MROH7: variants seen among roughly 807,000 people sequenced by gnomAD.
MROH7 encodes maestro heat-like repeat-containing protein family member 7.
Under a neutral mutation model 129.2 loss-of-function variants are expected in MROH7, and 113 were observed. The ratio of observed to expected loss-of-function variants is 0.87; its 90% CI spans 0.75 to 1.02. MROH7 has a LOEUF of 1.02. Ranked by LOEUF, MROH7 falls within the 50% of genes least tolerant of loss-of-function variation. The pLI is 0.00. For missense variants in MROH7, 1,601 were observed against 1,671.3 expected, an observed-to-expected ratio of 0.96 and a Z score of 0.73; for synonymous variants, 655 against 667.9, an observed-to-expected ratio of 0.98 and a Z score of 0.30.
intron 6 of MROH7, 35 bp downstream of exon 6, chr1:54,670,611 TCTC>T: frequency 1.3e-6 from 2 of 1,580,620 alleles, no homozygotes; most frequent in Non-Finnish European, 8.6e-7. Context: ...CCACAGCCCC[TCTC>T]CTCTCTTCCT....
At chr1:54,691,243 T>G (rs978439617) in intron 15 of MROH7, among the ~76,000 whole-genome samples, 67 of 152,212 alleles carry the variant, frequency 4.4e-4, no homozygotes, top group African/African-American at 1.4e-3. Context: ...AGAGGTTGAA[T>G]GATTCCAAAA....
intron 3 of MROH7, among the ~76,000 whole-genome samples, chr1:54,654,964 T>A (rs1015915453): frequency 6.6e-6 from 1 of 152,088 alleles, no homozygotes. Context: ...TAAGATTTTT[T>A]AAAAAGGACC....
At chr1:54,704,793 CTTT>C (rs750428757) in intron 21 of MROH7, among the ~76,000 whole-genome samples, 14 of 67,828 alleles carry the variant, frequency 2.1e-4, no homozygotes, top group Non-Finnish European at 2.3e-4. Context: ...CAATGTAGCT[CTTT>C]TTTTTTTTTT....
chr1:54,709,209 T>G, intron 23 of MROH7, 133 bp downstream of exon 23: 1 of 808,698 alleles, frequency 1.2e-6, no homozygotes, highest in Non-Finnish European at 2.0e-6. Flanking sequence ...TGTACTAGTT[T>G]TTTGTTTGTT....
chr1:54,679,818 C>T, intron 12 of MROH7, 73 bp from the exon 13 acceptor site: 7 of 1,463,294 alleles, frequency 4.8e-6, no homozygotes, highest in Non-Finnish European at 6.5e-6. Context: ...CTTCCCTCTC[C>T]TCCCACCTTC....
intron 10 of MROH7, among the ~76,000 whole-genome samples, chr1:54,676,344 C>T (rs1310034608): frequency 2.0e-5 from 3 of 150,886 alleles, no homozygotes; most frequent in African/African-American, 7.3e-5. Context: ...CTCAGGTGAT[C>T]CTCCCACCTC....
chr1:54,698,567 C>A (rs1645358935), intron 17 of MROH7: 1 of 152,998 alleles, frequency 6.5e-6, no homozygotes, highest in Non-Finnish European at 1.5e-5. Flanking sequence ...GCTCAACAGT[C>A]ACAGGAGATG....
intron 1 of MROH7, among the ~76,000 whole-genome samples, chr1:54,647,007 A>G (rs1012593019): frequency 6.6e-6 from 1 of 152,244 alleles, no homozygotes; most frequent in South Asian, 2.1e-4. Flanking sequence ...AATCCACTGT[A>G]CGGACATACC....
rs1397340234 is a variant in MROH7 at position 54,699,962 on chromosome 1, G to A, written c.2965-359G>A. Reference sequence around the variant, plus strand: ...AAGGGCATTTTGCCAGCACAGAAGGGGTGGAACAGCCTGGGTAGTTCAGAG... The same window carrying A: ...AAGGGCATTTTGCCAGCACAGAAGGAGTGGAACAGCCTGGGTAGTTCAGAG... On this transcript the variant is annotated intron_variant, in intron 17 of 23. Transcript: ENST00000421030. The A allele has an allele frequency of 6.6e-6, 4 of 608,404 alleles. No homozygotes were observed. In the East Asian group the frequency reaches 1.1e-4, roughly 17 times the overall value. The allele number at this position is 608,404 out of a possible 1,614,324, so 37.7% of individuals were successfully genotyped here.
At chr1:54,649,174 C>T (rs183142948) in intron 1 of MROH7, among the ~76,000 whole-genome samples, 1 of 152,258 alleles carries the variant, frequency 6.6e-6, no homozygotes, top group Admixed American at 6.5e-5. Context: ...ATAGTTCCAC[C>T]CCTTGAAGGC....
intron 22 of MROH7, among the ~76,000 whole-genome samples, chr1:54,707,077 A>C (rs1645546036): frequency 6.6e-6 from 1 of 152,210 alleles, no homozygotes; most frequent in Non-Finnish European, 1.5e-5. Flanking sequence ...CAATGTTAGC[A>C]GTCTTCATTC....
Position 54,708,677 on chromosome 1 carries a change from A to G in MROH7, c.3668-337A>G, listed in dbSNP as rs534428282. Among the ~76,000 whole-genome samples, 9 of 152,244 alleles carry G rather than the reference A, an allele frequency of 5.9e-5. 1 individual carries two copies. The Middle Eastern group carries it at 0.01, about 173-fold the overall frequency. ...TCTTACATTACTGCTCAAACTCCCC[A>G]TAGAAGTGGACAGCAGAGACAGCAC... On this transcript the variant is annotated intron_variant, in intron 22 of 23. Coordinates refer to ENST00000421030, the MANE Select transcript of MROH7 (RefSeq NM_001039464.4).
At position 54,702,779 on chromosome 1, in the gene MROH7, C is replaced by T. The variant is rs1166095247; in HGVS notation, c.3564+34C>T. On this transcript the variant is annotated intron_variant, in intron 21 of 23. Coordinates refer to ENST00000421030, the MANE Select transcript of MROH7 (RefSeq NM_001039464.4). Reference sequence around the variant, plus strand: ...TCCCAGAGAGTAGAGTGGTTCCTTACAAGCATGTTGGAGGTGGCGAATTCT... The same window carrying T: ...TCCCAGAGAGTAGAGTGGTTCCTTATAAGCATGTTGGAGGTGGCGAATTCT... 5 of 1,583,212 alleles carry T rather than the reference C, an allele frequency of 3.2e-6. No individual in the cohort carries two copies. The South Asian group carries it at 3.5e-5, about 11-fold the overall frequency.
chr1:54,692,188 C>T (rs1259408694), intron 15 of MROH7, among the ~76,000 whole-genome samples: 1 of 152,216 alleles, frequency 6.6e-6, no homozygotes, highest in African/African-American at 2.4e-5. Context: ...AGGCTGGTCC[C>T]AGAGGTAAAA....
rs1557711746 is a variant in MROH7, at chr1:54,680,035, C to G, written c.2371C>G (p.Pro791Ala). 3 of 1,613,812 alleles carry G rather than the reference C, an allele frequency of 1.9e-6. No individual in the cohort carries two copies. The highest frequency in any genetic ancestry group is 1.7e-5 in the Admixed American group (1 of 59,994). ...GGTGGCCCTGCTCATGTGCCCCCTCCCACTGAACAGGTACCAAGTGAAGGG... is the reference window on the plus strand; with the variant it reads ...GGTGGCCCTGCTCATGTGCCCCCTCGCACTGAACAGGTACCAAGTGAAGGG... ...VVVALLMCPL[P>A]LNSNGAEMWR... Residue 791 changes from proline (P) to alanine (A), a missense_variant, in exon 13 of 24, where the codon CCA (proline) becomes GCA (alanine). By Grantham distance (27) the Pro-to-Ala change is conservative. Transcript: ENST00000421030.
intron 1 of MROH7, 87 bp downstream of exon 1, chr1:54,642,055 G>A (rs532345735): frequency 6.6e-6 from 1 of 152,238 alleles, no homozygotes. Context: ...CTGGGAGTTG[G>A]GGGGAGGTGA....
intron 15 of MROH7, among the ~76,000 whole-genome samples, chr1:54,691,912 C>T (rs971170120): frequency 3.7e-5 from 5 of 136,956 alleles, no homozygotes; most frequent in Non-Finnish European, 4.6e-5. Flanking sequence ...ACACACAGTG[C>T]GGTGCCAGGC....
intron 1 of MROH7, among the ~76,000 whole-genome samples, chr1:54,645,768 C>G (rs933992572): frequency 6.6e-6 from 1 of 151,322 alleles, no homozygotes. Flanking sequence ...TCTCCTGCCT[C>G]AGCCTCCCGA....
chr1:54,682,320 A>G (rs1219791928), intron 13 of MROH7, among the ~76,000 whole-genome samples: 1 of 151,842 alleles, frequency 6.6e-6, no homozygotes, highest in Non-Finnish European at 1.5e-5. Flanking sequence ...ATGCACCACC[A>G]TGCCCAGCTA....
Sources: allele counts gnomAD v4.1 joint callset (sites outside exome capture counted in the v4.1 genomes callset), GRCh38; gene constraint gnomAD v4.1.1; transcripts MANE v1.5; gene names NCBI Gene and HGNC (gene_info 2026-07-23, HGNC 2026-07-21).